QRICH1: variants seen among roughly 807,000 people sequenced by gnomAD.
QRICH1 encodes glutamine rich 1.
A neutral mutation model predicts 87.1 loss-of-function variants in QRICH1; 16 were observed. That is an observed-to-expected ratio of 0.18 (90% confidence interval 0.12 to 0.28). The LOEUF is 0.28. Ranked by LOEUF, QRICH1 falls within the 10% of genes least tolerant of loss-of-function variation. The pLI, the probability that QRICH1 is intolerant of heterozygous loss-of-function variation, is 1.00. For missense variants in QRICH1, 647 were observed against 951.7 expected (o/e 0.68, Z 4.21); for synonymous variants, 367 against 368.4 (o/e 1.00, Z 0.05).
rs1575373646 is a variant in QRICH1, at chr3:49,076,766, A to C, written c.252T>G (p.Val84=). 5.0e-6 allele frequency: 8 copies of C among 1,608,718 alleles called. No homozygotes were observed. The highest frequency in any genetic ancestry group is 5.9e-6 in the Non-Finnish European group (7 of 1,176,584). ...LELACPVTTS[V]QPQTQQEQQI... ...GCTGTTCTTGCTGGGTTTGTGGCTGAACACTGGTGGTGACTGGACAGGCAA... is the reference window on the plus strand; with the variant it reads ...GCTGTTCTTGCTGGGTTTGTGGCTGCACACTGGTGGTGACTGGACAGGCAA... Residue 84 remains valine (V), a synonymous_variant, in exon 2 of 10, where the codon GTT becomes GTG. Transcript: ENST00000395443.
At chr3:49,066,088 C>G (rs2093466857) in intron 2 of QRICH1, among the ~76,000 whole-genome samples, 1 of 152,002 alleles carries the variant, frequency 6.6e-6, no homozygotes, top group African/African-American at 2.4e-5. Context: ...AGTTCGAGAC[C>G]AGCCTGGGCA....
chr3:49,050,529 C>T (rs2093364602), intron 3 of QRICH1, among the ~76,000 whole-genome samples: 2 of 151,436 alleles, frequency 1.3e-5, no homozygotes, highest in Admixed American at 6.6e-5. Context: ...CGCTCACTCA[C>T]TAAATTCAAA....
Position 49,081,197 on chromosome 3 carries a change from G to A in QRICH1, c.-21-4159C>T, listed in dbSNP as rs2042052704. On this transcript the variant is annotated intron_variant, in intron 1 of 9. Transcript: ENST00000395443. ...TTTGGGAGGCTGAGCTGGGTGGATC[G>A]CCTGAGGGCAGGAGATCGAGACCAG... 2.0e-5 allele frequency among the ~76,000 whole-genome samples: 3 copies of A among 151,836 alleles called. No homozygotes were observed. In the South Asian group the frequency reaches 6.2e-4, roughly 31 times the overall value.
chr3:49,043,487 A>T (rs1310140415), intron 6 of QRICH1, among the ~76,000 whole-genome samples: 8 of 94,384 alleles, frequency 8.5e-5, no homozygotes, highest in South Asian at 4.0e-4. Flanking sequence ...CAAGAGCAAA[A>T]CTCTGTCTCA....
chr3:49,085,991 C>T (rs2042160326), intron 1 of QRICH1, among the ~76,000 whole-genome samples: 1 of 151,748 alleles, frequency 6.6e-6, no homozygotes, highest in South Asian at 2.1e-4. Flanking sequence ...AACATGCAGC[C>T]ATGAGGATAT....
rs570658476 is a variant in QRICH1 at position 49,079,134 on chromosome 3, C to A, written c.-21-2096G>T. On this transcript the variant is annotated intron_variant, in intron 1 of 9. Transcript: ENST00000395443. ...CCTGTAGTCCCAGCTACTACGGAGG[C>A]TAAGGTAGAAGGATTGCTTGAGCCC... Among the ~76,000 whole-genome samples the A allele has an allele frequency of 4.6e-5, 7 of 152,140 alleles. No homozygotes were observed. In the South Asian group the frequency reaches 1.5e-3, roughly 32 times the overall value.
chr3:49,067,242 A>C (rs2093473773), intron 2 of QRICH1, among the ~76,000 whole-genome samples: 1 of 152,172 alleles, frequency 6.6e-6, no homozygotes, highest in South Asian at 2.1e-4. Context: ...CCAAAATAGT[A>C]AGAATTTAAA....
rs201785075 is a variant in QRICH1 at position 49,051,592 on chromosome 3, C to G, written c.1339-4346G>C. 6.9e-4 allele frequency among the ~76,000 whole-genome samples: 96 copies of G among 139,038 alleles called. 3 individuals are homozygous for G. In the East Asian group the frequency reaches 8.6e-3, roughly 13 times the overall value. The allele number at this position is 139,038 out of a possible 152,430, so 91.2% of individuals were successfully genotyped here. On this transcript the variant is annotated intron_variant, in intron 3 of 9. Transcript: ENST00000395443. Reference sequence around the variant, plus strand: ...GCTAGAACCCCCCCTGCGCCCCCCCCCCCCTCCGCTTAATATACCTAGTGG... The same window carrying G: ...GCTAGAACCCCCCCTGCGCCCCCCCGCCCCTCCGCTTAATATACCTAGTGG...
chr3:49,037,027 C>T (rs1407321486), intron 6 of QRICH1, among the ~76,000 whole-genome samples: 1 of 142,890 alleles, frequency 7.0e-6, no homozygotes, highest in African/African-American at 2.6e-5. Context: ...GCCGTGTTCC[C>T]ATCACTGCAA....
At chr3:49,080,028 CAAA>C (rs11443291) in intron 1 of QRICH1, among the ~76,000 whole-genome samples, 2 of 136,514 alleles carry the variant, frequency 1.5e-5, no homozygotes, top group Non-Finnish European at 1.6e-5. Context: ...GACTCTATCT[CAAA>C]AAAAAAAAAA....
chr3:49,051,368 G>A (rs1406387573), intron 3 of QRICH1, among the ~76,000 whole-genome samples: 3 of 151,856 alleles, frequency 2.0e-5, no homozygotes, highest in African/African-American at 4.8e-5. Context: ...TCATCCTCCC[G>A]GACCTCCCTC....
At chr3:49,091,757 G>C (rs906273561) in intron 1 of QRICH1, among the ~76,000 whole-genome samples, 8 of 152,140 alleles carry the variant, frequency 5.3e-5, no homozygotes, top group African/African-American at 1.7e-4. Context: ...AGATAACCCA[G>C]AACAAGCAAG....
chr3:49,047,444 TGCAGTGCTTC>T (rs1348985033), intron 3 of QRICH1, among the ~76,000 whole-genome samples, 198 bp from the exon 4 acceptor site: 1 of 151,642 alleles, frequency 6.6e-6, no homozygotes, highest in Non-Finnish European at 1.5e-5. Flanking sequence ...ACTGGGCTAG[TGCAGTGCTTC>T]TCAGCCTTGG....
chr3:49,080,865 G>C (rs909575908), intron 1 of QRICH1, among the ~76,000 whole-genome samples: 1 of 142,840 alleles, frequency 7.0e-6, no homozygotes, highest in East Asian at 2.2e-4. Context: ...AGTATAAAAA[G>C]ATATAAAATA....
At chr3:49,075,222 T>TG (rs2041927374) in intron 2 of QRICH1, among the ~76,000 whole-genome samples, 1 of 150,648 alleles carries the variant, frequency 6.6e-6, no homozygotes, top group African/African-American at 2.4e-5. Context: ...CCCAGCTACT[T>TG]GGAGGTTGAG....
intron 1 of QRICH1, among the ~76,000 whole-genome samples, chr3:49,088,143 G>C (rs1185919991): frequency 6.6e-6 from 1 of 151,648 alleles, no homozygotes; most frequent in Non-Finnish European, 1.5e-5. Context: ...TTAGTAGAGA[G>C]AAAGTTTCAC....
intron 1 of QRICH1, among the ~76,000 whole-genome samples, chr3:49,082,595 TA>T (rs1389128782): frequency 2.0e-5 from 3 of 150,130 alleles, no homozygotes; most frequent in South Asian, 2.1e-4. Flanking sequence ...GCCTTCCATT[TA>T]AAAAAAAAGA....
intron 2 of QRICH1, among the ~76,000 whole-genome samples, chr3:49,067,097 G>A (rs984989827): frequency 1.3e-5 from 2 of 152,044 alleles, no homozygotes; most frequent in African/African-American, 4.8e-5. Context: ...CAATTAAATG[G>A]CTAATGTGGC....
chr3:49,038,943 CT>C (rs1264812551), intron 6 of QRICH1, among the ~76,000 whole-genome samples: 2 of 152,146 alleles, frequency 1.3e-5, no homozygotes, highest in Non-Finnish European at 2.9e-5. Flanking sequence ...AGAAGAACTG[CT>C]TGAATCCAGG....
Sources: gnomAD v4.1 joint callset for allele counts (sites outside exome capture counted in the v4.1 genomes callset) on GRCh38, gnomAD v4.1.1 for gene constraint, MANE v1.5 for transcripts, NCBI Gene and HGNC (gene_info 2026-07-23, HGNC 2026-07-21) for gene names.